MR1: variants seen among roughly 807,000 people sequenced by gnomAD.
MR1 encodes major histocompatibility complex, class I-related, also known as major histocompatibility complex class I-related protein 1.
A neutral mutation model predicts 37.8 loss-of-function variants in MR1; 44 were observed. The observed-to-expected ratio is 1.16, with a 90% CI of 0.91 to 1.50. The LOEUF is 1.50. Among genes scored for constraint, MR1 ranks in the 40% most tolerant of loss-of-function variants. MR1 has a pLI of 0.00. For synonymous variants in MR1, 153 were observed against 155.8 expected (o/e 0.98, Z 0.13); for missense variants, 386 against 419.1 (o/e 0.92, Z 0.69).
intron 1 of MR1, among the ~76,000 whole-genome samples, chr1:181,046,170 C>T (rs1657851436): frequency 6.6e-6 from 1 of 152,220 alleles, no homozygotes; most frequent in Non-Finnish European, 1.5e-5. Context: ...CACCCCTGCT[C>T]CACGGCGCCA....
rs1490754886 is a variant in MR1 at position 181,055,615 on chromosome 1, GAACTGTCTTCTGC to G, written c.*353_*365del. 14 of 295,150 alleles carry G rather than the reference GAACTGTCTTCTGC, an allele frequency of 4.7e-5. No homozygotes were observed. The highest frequency in any genetic ancestry group is 8.1e-5 in the Non-Finnish European group (13 of 160,528). 18.3% of individuals were successfully genotyped at this position (295,150 alleles called of 1,614,324 possible). A position where few individuals can be genotyped will look rare whatever the true frequency, so the allele number is the denominator to read the frequency against. On this transcript the variant is annotated 3_prime_UTR_variant, in exon 6 of 6. Coordinates refer to ENST00000367580, the MANE Select transcript of MR1 (RefSeq NM_001385161.1). ...GAAGGAATCTTTTCAACCAGAGCAG[GAACTGTCTTCTGC>G]AATGCCTTGGACTTGAGCCTCCAGC... is the stretch of plus-strand genomic sequence containing the variant.
rs984193102 is a variant in MR1, at chr1:181,034,419, A to T, written c.67+345A>T. ...AACTTCCAGAGTCTCATGAGGATGT[A>T]GTCAGAGTTTCAGGGGCATTAACAG... On this transcript the variant is annotated intron_variant, in intron 1 of 5. Coordinates refer to ENST00000367580, the MANE Select transcript of MR1 (RefSeq NM_001385161.1). Among the ~76,000 whole-genome samples the T allele has an allele frequency of 1.8e-4, 28 of 152,096 alleles. 2 individuals are homozygous for T. Among genetic ancestry groups the T allele is most frequent in the Admixed American group, 1.6e-3 (24 of 15,262 alleles).
At chr1:181,037,779 T>C (rs139259973) in intron 1 of MR1, among the ~76,000 whole-genome samples, 48 of 152,292 alleles carry the variant, frequency 3.2e-4, no homozygotes, top group African/African-American at 1.1e-3. Flanking sequence ...AAAATCGGGA[T>C]TTTCTGGGAA....
chr1:181,049,140 G>A lies in MR1; in HGVS notation c.156G>A (p.Ser52=), dbSNP rs577193248. 37 of 1,614,150 alleles carry A rather than the reference G, an allele frequency of 2.3e-5. 1 individual carries two copies. The highest frequency in any genetic ancestry group is 6.7e-5 in the Admixed American group (4 of 60,016). Residue 52 remains serine, a synonymous_variant, in exon 2 of 6, where the codon TCG becomes TCA. Transcript: ENST00000367580. ...PEFISVGYVD[S]HPITTYDSVT... ...TTATTTCGGTTGGGTACGTGGACTC[G>A]CACCCTATCACCACATATGACAGTG...
chr1:181,055,860 T>C lies in MR1; in HGVS notation c.*595T>C, dbSNP rs1452530354. The C allele has an allele frequency of 6.6e-6, 1 of 152,364 alleles. No homozygotes were observed. Among genetic ancestry groups the C allele is most frequent in the East Asian group, 1.9e-4 (1 of 5,194 alleles). 9.4% of individuals were successfully genotyped at this position (152,364 alleles called of 1,614,324 possible). On this transcript the variant is annotated 3_prime_UTR_variant, in exon 6 of 6. Transcript: ENST00000367580. Reference sequence around the variant, plus strand: ...GGAATGGACTGATTATTTTTATACATTTTCTGGCCTGAGAGAAAGCCAAAG... The same window carrying C: ...GGAATGGACTGATTATTTTTATACACTTTCTGGCCTGAGAGAAAGCCAAAG...
chr1:181,042,761 C>T (rs1657635131), intron 1 of MR1, among the ~76,000 whole-genome samples: 1 of 152,020 alleles, frequency 6.6e-6, no homozygotes, highest in Non-Finnish European at 1.5e-5. Flanking sequence ...GAGCCGAGAT[C>T]ACGCCACTGC....
At chr1:181,049,774 C>A (rs994551979) in intron 2 of MR1, 14 of 560,068 alleles carry the variant, frequency 2.5e-5, no homozygotes, top group South Asian at 2.3e-4. Context: ...TACAGGATAA[C>A]TCCCCAAGGC....
chr1:181,050,219 GGAA>G lies in MR1; in HGVS notation c.544_546del (p.Glu182del), dbSNP rs1271454980. The stretch of plus-strand genomic sequence containing the variant: ...AGTTGCTGTATCAAAAGAATTGGCT[GGAA>G]GAAGAATGTATTGCCTGGCTAAAGA... On this transcript the variant is annotated inframe_deletion, in exon 3 of 6. Coordinates refer to ENST00000367580, the MANE Select transcript of MR1 (RefSeq NM_001385161.1). 18 of 1,614,090 alleles carry G rather than the reference GGAA, an allele frequency of 1.1e-5. No individual in the cohort carries two copies. Among genetic ancestry groups the G allele is most frequent in the Admixed American group, 1.7e-5 (1 of 60,002 alleles).
intron 2 of MR1, 28 bp downstream of exon 2, chr1:181,049,340 C>T (rs768964626): frequency 6.3e-7 from 1 of 1,597,118 alleles, no homozygotes; most frequent in Non-Finnish European, 8.5e-7. Flanking sequence ...ACAGACGCTT[C>T]CCCCATCCCA....
chr1:181,053,597 T>C lies in MR1; in HGVS notation c.905T>C (p.Met302Thr), dbSNP rs777505440. 1 of 1,613,956 alleles carries C rather than the reference T, an allele frequency of 6.2e-7. No homozygotes were observed. The highest frequency in any genetic ancestry group is 1.1e-5 in the South Asian group (1 of 91,076). The change falls in exon 5 of 6, where the codon ATG becomes ACG. Residue 302 changes from methionine to threonine, a missense_variant. By Grantham distance (81) the Met-to-Thr change is moderately conservative. Transcript: ENST00000367580. ...GAATCAGAAACTATCCCTCTTGTGA[T>C]GAAAGCTGTCTCTGGGTCCATTGTC... is the stretch of plus-strand genomic sequence containing the variant. ...PQESETIPLV[M>T]KAVSGSIVLV...
At position 181,061,776 on chromosome 1, in the gene MR1, C is replaced by T. The variant is rs940204200; in HGVS notation, c.*6511C>T. ...GTCTTCATGTACTGGTACAAAAGAACAGTGTCATCTTACAGCTGAAGTCAT... is the reference window on the plus strand; with the variant it reads ...GTCTTCATGTACTGGTACAAAAGAATAGTGTCATCTTACAGCTGAAGTCAT... On this transcript the variant is annotated 3_prime_UTR_variant, in exon 6 of 6. Coordinates refer to ENST00000367580, the MANE Select transcript of MR1 (RefSeq NM_001385161.1). 2.0e-5 allele frequency: 3 copies of T among 152,134 alleles called. No individual in the cohort carries two copies. Among genetic ancestry groups the T allele is most frequent in the Non-Finnish European group, 4.4e-5 (3 of 68,032 alleles). 9.4% of individuals were successfully genotyped at this position (152,134 alleles called of 1,614,324 possible).
intron 3 of MR1, among the ~76,000 whole-genome samples, chr1:181,051,644 G>A (rs868586866): frequency 1.3e-5 from 2 of 152,176 alleles, no homozygotes; most frequent in Non-Finnish European, 2.9e-5. Flanking sequence ...TCACACGTGG[G>A]TACTTCTTTG....
chr1:181,045,838 A>G (rs1397719408), intron 1 of MR1, among the ~76,000 whole-genome samples: 1 of 152,120 alleles, frequency 6.6e-6, no homozygotes, highest in Non-Finnish European at 1.5e-5. Flanking sequence ...GTGGAGGGAG[A>G]GGCGCGAGCG....
At chr1:181,042,119 C>T (rs1181347527) in intron 1 of MR1, among the ~76,000 whole-genome samples, 1 of 151,964 alleles carries the variant, frequency 6.6e-6, no homozygotes, top group East Asian at 1.9e-4. Context: ...AAATCAATTG[C>T]AGAATATATA....
intron 1 of MR1, among the ~76,000 whole-genome samples, chr1:181,035,746 C>T (rs1178088700): frequency 1.3e-5 from 2 of 152,172 alleles, no homozygotes; most frequent in East Asian, 1.9e-4. Context: ...TGACCACGCT[C>T]ACATAAGGAG....
Position 181,052,259 on chromosome 1 carries a change from G to A in MR1, c.629G>A (p.Arg210His), listed in dbSNP as rs1398906447. Residue 210 changes from arginine to histidine, a missense_variant, in exon 4 of 6, where the codon CGC becomes CAC. Transcript: ENST00000367580. ...GAGCCCCCACTGGTCAGAGTAAATC[G>A]CAAAGAAACTTTTCCAGGGGTTACA... ...RTEPPLVRVN[R>H]KETFPGVTAL... 9 of 1,613,988 alleles carry A rather than the reference G, an allele frequency of 5.6e-6. No homozygotes were observed. Among genetic ancestry groups the A allele is most frequent in the South Asian group, 1.1e-5 (1 of 91,080 alleles).
In MR1 at chr1:181,058,795, A is replaced by T. The variant is rs1281662673; in HGVS notation, c.*3530A>T. The T allele has an allele frequency of 6.6e-6, 1 of 152,198 alleles. No homozygotes were observed. The highest frequency in any genetic ancestry group is 1.5e-5 in the Non-Finnish European group (1 of 68,032). 9.4% of individuals were successfully genotyped at this position (152,198 alleles called of 1,614,324 possible). On this transcript the variant is annotated 3_prime_UTR_variant, in exon 6 of 6. Coordinates refer to ENST00000367580, the MANE Select transcript of MR1 (RefSeq NM_001385161.1). ...TCTAGTGTCCCCACAAAGTGATCAG[A>T]TGGATATATAAAGTGGAGTGCCAAT...
rs1433783170 is a variant in MR1 at position 181,056,374 on chromosome 1, AATAATAATAAT to A, written c.*1111_*1121del. 1 of 55,792 alleles carries A rather than the reference AATAATAATAAT, an allele frequency of 1.8e-5. No homozygotes were observed. Among genetic ancestry groups the A allele is most frequent in the Non-Finnish European group, 2.9e-5 (1 of 34,618 alleles). The allele number at this position is 55,792 out of a possible 1,614,324, so 3.5% of individuals were successfully genotyped here. A position where few individuals can be genotyped will look rare whatever the true frequency, so the allele number is the denominator to read the frequency against. On this transcript the variant is annotated 3_prime_UTR_variant, in exon 6 of 6. Coordinates refer to ENST00000367580, the MANE Select transcript of MR1 (RefSeq NM_001385161.1). ...TGAGACTCTATCTCAAAATAATAATAATAATAATAATAATAATAATAATAATAATAACAGTA... is the reference window on the plus strand; with the variant it reads ...TGAGACTCTATCTCAAAATAATAATAAATAATAATAATAATAATAACAGTA...
At chr1:181,048,467 G>A (rs1193010842) in intron 1 of MR1, among the ~76,000 whole-genome samples, 8 of 151,880 alleles carry the variant, frequency 5.3e-5, no homozygotes, top group East Asian at 3.9e-4. Flanking sequence ...CCCAGGAGGC[G>A]GAGGTTGCAG....
Sources: allele counts gnomAD v4.1 joint callset (sites outside exome capture counted in the v4.1 genomes callset), GRCh38; gene constraint gnomAD v4.1.1; transcripts MANE v1.5; gene names NCBI Gene and HGNC (gene_info 2026-07-23, HGNC 2026-07-21).